EFR3B: variants seen among roughly 807,000 people sequenced by gnomAD.
EFR3B encodes the protein protein EFR3 homolog B.
In EFR3B, 64 loss-of-function variants were observed where a neutral mutation model predicts 104.7. The observed-to-expected ratio is 0.61, with a 90% CI of 0.50 to 0.75. EFR3B has a LOEUF of 0.75. Among genes scored for constraint, EFR3B ranks in the 30% least tolerant of loss-of-function variants. The pLI is 0.00. For synonymous variants in EFR3B, 385 were observed against 417.9 expected, an observed-to-expected ratio of 0.92 and a Z score of 0.96; for missense variants, 750 against 1,078.5, an observed-to-expected ratio of 0.70 and a Z score of 4.27.
At chr2:25,091,285 C>T (rs1558598116) in intron 1 of EFR3B, 40 bp from the exon 2 acceptor site, 8 of 1,542,886 alleles carry the variant, frequency 5.2e-6, no homozygotes, top group East Asian at 2.5e-5. Context: ...TGGGCCCGAC[C>T]AGGAGGCTTT....
intron 1 of EFR3B, among the ~76,000 whole-genome samples, chr2:25,068,815 G>T (rs879340260): frequency 6.6e-6 from 1 of 151,776 alleles, no homozygotes; most frequent in African/African-American, 2.4e-5. Context: ...GTTTTTAGTA[G>T]CGATGGGGTT....
chr2:25,116,946 A>G (rs559744378), intron 4 of EFR3B, among the ~76,000 whole-genome samples: 5 of 152,176 alleles, frequency 3.3e-5, no homozygotes, highest in East Asian at 1.9e-4. Context: ...GCCAGGGATA[A>G]TGATTGAAAT....
intron 12 of EFR3B, among the ~76,000 whole-genome samples, chr2:25,133,964 T>G (rs988389841): frequency 4.6e-5 from 7 of 152,180 alleles, no homozygotes; most frequent in Admixed American, 3.9e-4. Flanking sequence ...AATATATGAT[T>G]CCTCAGAGGT....
chr2:25,060,926 A>C (rs1668174674), intron 1 of EFR3B, among the ~76,000 whole-genome samples: 1 of 25,816 alleles, frequency 3.9e-5, no homozygotes, highest in African/African-American at 1.7e-4. Flanking sequence ...GAATCAAAAA[A>C]CAAACAAACA....
intron 1 of EFR3B, among the ~76,000 whole-genome samples, chr2:25,063,290 C>T (rs1668248221): frequency 6.6e-6 from 1 of 152,144 alleles, no homozygotes; most frequent in Non-Finnish European, 1.5e-5. Flanking sequence ...ACCTCACAGC[C>T]CACAGTAATG....
At chr2:25,103,926 T>G (rs903712037) in intron 4 of EFR3B, 139 bp downstream of exon 4, 8 of 979,222 alleles carry the variant, frequency 8.2e-6, no homozygotes, top group Non-Finnish European at 1.2e-5. Context: ...ACTGCTTGTT[T>G]TAGGGTCTCC....
At chr2:25,140,896 C>A (rs1183416515) in intron 16 of EFR3B, among the ~76,000 whole-genome samples, 1 of 152,050 alleles carries the variant, frequency 6.6e-6, no homozygotes, top group Non-Finnish European at 1.5e-5. Flanking sequence ...TAAAAATTTG[C>A]CAGGCGTGGT....
At position 25,093,041 on chromosome 2, in the gene EFR3B, C is replaced by T. The variant is rs1213960228; in HGVS notation, c.123C>T (p.Phe41=). ...LVKTNMEKLT[F]YALSAPEKLD... ...AGACCAACATGGAGAAGCTGACCTTCTATGCCCTCTCAGCTCCAGAAAAAC... is the reference window on the plus strand; with the variant it reads ...AGACCAACATGGAGAAGCTGACCTTTTATGCCCTCTCAGCTCCAGAAAAAC... The change falls in exon 3 of 23, where the codon TTC becomes TTT. Residue 41 remains phenylalanine (F), a synonymous_variant. Transcript: ENST00000403714. 6.5e-7 allele frequency: 1 copy of T among 1,549,642 alleles called. No individual in the cohort carries two copies. Among genetic ancestry groups the T allele is most frequent in the African/African-American group, 1.4e-5 (1 of 73,056 alleles).
At chr2:25,069,052 G>A (rs1668418446) in intron 1 of EFR3B, among the ~76,000 whole-genome samples, 1 of 150,372 alleles carries the variant, frequency 6.7e-6, no homozygotes, top group African/African-American at 2.5e-5. Context: ...TCCTGCCTCA[G>A]CCTCACCACC....
chr2:25,151,250 C>T (rs1222956353), intron 20 of EFR3B, among the ~76,000 whole-genome samples: 1 of 151,532 alleles, frequency 6.6e-6, no homozygotes, highest in Non-Finnish European at 1.5e-5. Context: ...TGTCAATGTC[C>T]CTCTTCTTTT....
In EFR3B at chr2:25,136,691, A is replaced by G. The variant is rs1558617030; in HGVS notation, c.1560+93A>G. The G allele has an allele frequency of 2.8e-6, 3 of 1,067,046 alleles. No homozygotes were observed. Among genetic ancestry groups the G allele is most frequent in the East Asian group, 5.3e-5 (2 of 37,650 alleles). 66.1% of individuals were successfully genotyped at this position (1,067,046 alleles called of 1,614,324 possible). A position where few individuals can be genotyped will look rare whatever the true frequency, so the allele number is the denominator to read the frequency against. ...CTTTGGGAGGCTGAGGCGGGCGGAT[A>G]GATCACTTGAGGTGGGGAGCTCGAG... On this transcript the variant is annotated intron_variant, in intron 14 of 22. Coordinates refer to ENST00000403714, the MANE Select transcript of EFR3B (RefSeq NM_014971.2). This position sits in a 1 kb window ranked among gnomAD's most constrained non-coding sequence, Gnocchi z 4.0.
chr2:25,056,848 G>A (rs1668036101), intron 1 of EFR3B, among the ~76,000 whole-genome samples: 2 of 152,190 alleles, frequency 1.3e-5, no homozygotes, highest in African/African-American at 4.8e-5. Flanking sequence ...GGAGGCACCA[G>A]CACTGTCCTT....
chr2:25,078,829 C>T (rs1377018927), intron 1 of EFR3B, among the ~76,000 whole-genome samples: 1 of 152,166 alleles, frequency 6.6e-6, no homozygotes, highest in Non-Finnish European at 1.5e-5. Flanking sequence ...GGGAGCTCAG[C>T]AGGTGTCAGG....
chr2:25,085,867 T>C (rs1388847005), intron 1 of EFR3B, among the ~76,000 whole-genome samples: 3 of 151,218 alleles, frequency 2.0e-5, no homozygotes, highest in Non-Finnish European at 4.4e-5. Flanking sequence ...TATTTATTTG[T>C]CCTTGGAGCC....
chr2:25,083,631 G>T (rs555260172), intron 1 of EFR3B, among the ~76,000 whole-genome samples: 2 of 152,152 alleles, frequency 1.3e-5, no homozygotes, highest in Non-Finnish European at 2.9e-5. Flanking sequence ...TGACCAAAGC[G>T]CCTCCAGCTC....
chr2:25,056,377 C>T (rs1019984411), intron 1 of EFR3B, among the ~76,000 whole-genome samples: 1 of 150,420 alleles, frequency 6.6e-6, no homozygotes, highest in Admixed American at 6.6e-5. Flanking sequence ...AAAGGAAGGT[C>T]ATTTAATGGT....
chr2:25,150,305 A>C (rs1670966433), intron 20 of EFR3B, among the ~76,000 whole-genome samples: 1 of 151,618 alleles, frequency 6.6e-6, no homozygotes, highest in Non-Finnish European at 1.5e-5. Flanking sequence ...CATCTCAAAA[A>C]AAAAAAAAAA....
intron 1 of EFR3B, among the ~76,000 whole-genome samples, chr2:25,078,175 C>T (rs1668688669): frequency 6.6e-6 from 1 of 152,228 alleles, no homozygotes; most frequent in Non-Finnish European, 1.5e-5. Flanking sequence ...CGCCACCCAG[C>T]AAGTGCCCTG....
Position 25,093,104 on chromosome 2 carries a change from C to T in EFR3B, c.186C>T (p.Ile62=), listed in dbSNP as rs1013888577. Residue 62 remains isoleucine (I), a synonymous_variant, in exon 3 of 23, where the codon ATC becomes ATT. Transcript: ENST00000403714. ...GCGCCTACCTCTCTGAGAGGCTCATCCGTGACGTGGGTCGCCATCGATATG... is the reference window on the plus strand; with the variant it reads ...GCGCCTACCTCTCTGAGAGGCTCATTCGTGACGTGGGTCGCCATCGATATG... ...RIGAYLSERL[I]RDVGRHRYGY... is the part of the protein sequence containing the mutation. 3.2e-6 allele frequency: 5 copies of T among 1,551,846 alleles called. No homozygotes were observed. Among genetic ancestry groups the T allele is most frequent in the Non-Finnish European group, 4.4e-6 (5 of 1,147,108 alleles).
Sources: gnomAD v4.1 joint callset for allele counts (sites outside exome capture counted in the v4.1 genomes callset) on GRCh38, gnomAD v4.1.1 for gene constraint, Gnocchi (gnomAD v3.1) non-coding constraint, MANE v1.5 for transcripts, NCBI Gene and HGNC (gene_info 2026-07-23, HGNC 2026-07-21) for gene names.